CLCN3: variants seen among roughly 807,000 people sequenced by gnomAD.
CLCN3 encodes Cl-/H+ antiporter 3.
A neutral mutation model predicts 83.4 loss-of-function variants in CLCN3; 16 were observed. That is an observed-to-expected ratio of 0.19 (90% CI 0.13 to 0.29). The LOEUF is 0.29. Among genes scored for constraint, CLCN3 ranks in the 10% least tolerant of loss-of-function variants. CLCN3 has a pLI of 1.00. For missense variants in CLCN3, 544 were observed against 1,006.0 expected, an observed-to-expected ratio of 0.54 and a Z score of 6.21; for synonymous variants, 322 against 346.2, an observed-to-expected ratio of 0.93 and a Z score of 0.78.
intron 12 of CLCN3, chr4:169,717,988 G>T: frequency 1.8e-6 from 1 of 566,232 alleles, no homozygotes; most frequent in Non-Finnish European, 3.2e-6. Context: ...CTACTATGCT[G>T]CCAATTACAT....
intron 2 of CLCN3, among the ~76,000 whole-genome samples, chr4:169,668,567 A>G (rs748531053): frequency 1.2e-4 from 19 of 152,144 alleles, no homozygotes; most frequent in Non-Finnish European, 2.5e-4. Flanking sequence ...TCTGACCTCA[A>G]AGTGCAGTAA....
In CLCN3 at chr4:169,680,186, A is replaced by G; in HGVS notation, c.297A>G (p.Lys99=). 1 of 1,613,916 alleles carries G rather than the reference A, an allele frequency of 6.2e-7. No homozygotes were observed. The highest frequency in any genetic ancestry group is 8.5e-7 in the Non-Finnish European group (1 of 1,179,854). ...HTIDWVREKC[K]DRERHRRINS... is the part of the protein sequence containing the mutation. ...TTGATTGGGTGCGAGAAAAATGTAA[A>G]GACAGAGAAAGGCATAGACGGGTAA... is the stretch of plus-strand genomic sequence containing the variant. The change falls in exon 3 of 13, where the codon AAA becomes AAG. Residue 99 remains lysine (K), a synonymous_variant. Transcript: ENST00000513761.
At chr4:169,702,805 A>G in intron 9 of CLCN3, 2 of 299,210 alleles carry the variant, frequency 6.7e-6, no homozygotes, top group Non-Finnish European at 1.4e-5. Flanking sequence ...AAAGAAAGCC[A>G]GGTGTGGTGG....
chr4:169,631,678 A>T (rs191780157), intron 1 of CLCN3, among the ~76,000 whole-genome samples: 4 of 152,324 alleles, frequency 2.6e-5, no homozygotes, highest in Admixed American at 2.0e-4. Context: ...GTCAGACGTT[A>T]GCTAGATTAA....
At chr4:169,661,058 A>G (rs894187095) in intron 2 of CLCN3, among the ~76,000 whole-genome samples, 1 of 151,812 alleles carries the variant, frequency 6.6e-6, no homozygotes, top group African/African-American at 2.4e-5. Flanking sequence ...GATAAAACAC[A>G]TTTGACTAAA....
At chr4:169,627,306 CAATT>C (rs1773260320) in intron 1 of CLCN3, among the ~76,000 whole-genome samples, 1 of 152,110 alleles carries the variant, frequency 6.6e-6, no homozygotes, top group South Asian at 2.1e-4. Flanking sequence ...CCTCACAGCC[CAATT>C]AATTTATCCT....
At position 169,636,965 on chromosome 4, in the gene CLCN3, A is replaced by T. The variant is rs1343485038; in HGVS notation, c.160+877A>T. 2.0e-5 allele frequency among the ~76,000 whole-genome samples: 3 copies of T among 152,014 alleles called. No individual in the cohort carries two copies. The East Asian group carries it at 5.8e-4, about 29-fold the overall frequency. ...CTATTCAAAGATACTACCAAAGTGGATATAGCATGTACATTTCTACTAGCA... is the reference window on the plus strand; with the variant it reads ...CTATTCAAAGATACTACCAAAGTGGTTATAGCATGTACATTTCTACTAGCA... On this transcript the variant is annotated intron_variant, in intron 2 of 12. Transcript: ENST00000513761.
chr4:169,716,587 G>A (rs991596205), intron 12 of CLCN3, among the ~76,000 whole-genome samples: 2 of 152,062 alleles, frequency 1.3e-5, no homozygotes, highest in African/African-American at 4.8e-5. Flanking sequence ...ATTATATATA[G>A]TGCATTTTCT....
At chr4:169,663,075 C>G (rs1731111347) in intron 2 of CLCN3, 1 of 151,344 alleles carries the variant, frequency 6.6e-6, no homozygotes, top group South Asian at 2.1e-4. Flanking sequence ...CCATGAGGGG[C>G]CTTTAACAAT....
At chr4:169,692,461 ATAATC>A (rs1177828089) in intron 7 of CLCN3, 141 bp downstream of exon 7, 3 of 376,414 alleles carry the variant, frequency 8.0e-6, no homozygotes, top group Non-Finnish European at 1.4e-5. Flanking sequence ...TTTTTCCTGA[ATAATC>A]TATAACATCT....
intron 1 of CLCN3, among the ~76,000 whole-genome samples, chr4:169,632,401 T>G (rs1410292049): frequency 6.6e-6 from 1 of 152,040 alleles, no homozygotes; most frequent in Non-Finnish European, 1.5e-5. Context: ...AAAACCACAG[T>G]GAGACACCAT....
chr4:169,655,244 A>C (rs1730846938), intron 2 of CLCN3, among the ~76,000 whole-genome samples: 1 of 152,180 alleles, frequency 6.6e-6, no homozygotes, highest in Non-Finnish European at 1.5e-5. Context: ...TGAACTTTCA[A>C]ATCCAATTAG....
At chr4:169,715,968 T>C (rs1056018535) in intron 12 of CLCN3, among the ~76,000 whole-genome samples, 1 of 152,148 alleles carries the variant, frequency 6.6e-6, no homozygotes, top group Non-Finnish European at 1.5e-5. Flanking sequence ...TACATGGTTT[T>C]CCAGACTTGT....
Position 169,690,552 on chromosome 4 carries a change from A to C in CLCN3, c.629A>C (p.Asn210Thr). The part of the protein sequence containing the change: ...QAEGPGSYIM[N>T]YIMYIFWALS... ...TAGGGTCCTGGTTCTTATATCATGA[A>C]CTACATAATGTACATCTTCTGGGCC... The change falls in exon 6 of 13, where the codon AAC becomes ACC. Residue 210 changes from asparagine to threonine, a missense_variant. Coordinates refer to ENST00000513761, the MANE Select transcript of CLCN3 (RefSeq NM_001829.4). 6.2e-7 allele frequency: 1 copy of C among 1,613,042 alleles called. No homozygotes were observed. The highest frequency in any genetic ancestry group is 8.5e-7 in the Non-Finnish European group (1 of 1,179,584).
chr4:169,659,445 C>T (rs910955487), intron 2 of CLCN3, among the ~76,000 whole-genome samples: 2 of 152,082 alleles, frequency 1.3e-5, no homozygotes, highest in African/African-American at 4.8e-5. Context: ...AAACACAAAA[C>T]CCTTATGAGA....
At chr4:169,664,349 A>G (rs1048626438) in intron 2 of CLCN3, among the ~76,000 whole-genome samples, 11 of 152,132 alleles carry the variant, frequency 7.2e-5, no homozygotes, top group African/African-American at 2.7e-4. Flanking sequence ...TTGGGTTTCT[A>G]TTATAATAGA....
intron 4 of CLCN3, 66 bp downstream of exon 4, chr4:169,687,823 C>A: frequency 1.2e-6 from 1 of 812,506 alleles, no homozygotes; most frequent in South Asian, 2.1e-5. Context: ...TTCCCTCCTT[C>A]CCTCAATTTT....
In CLCN3 at chr4:169,722,937, G is replaced by C. The variant is rs943553507; in HGVS notation, c.*2940G>C. The C allele has an allele frequency of 6.6e-6, 1 of 152,156 alleles. No individual in the cohort carries two copies. The highest frequency in any genetic ancestry group is 2.4e-5 in the African/African-American group (1 of 41,432). 9.4% of individuals were successfully genotyped at this position (152,156 alleles called of 1,614,324 possible). On this transcript the variant is annotated 3_prime_UTR_variant, in exon 13 of 13. Coordinates refer to ENST00000513761, the MANE Select transcript of CLCN3 (RefSeq NM_001829.4). ...TTAATTTACCAATATAATAAGTGTAGCGCCTTGTTTGAATACCCTTTTTGA... is the reference window on the plus strand; with the variant it reads ...TTAATTTACCAATATAATAAGTGTACCGCCTTGTTTGAATACCCTTTTTGA...
chr4:169,655,791 C>T (rs1049346162), intron 2 of CLCN3, among the ~76,000 whole-genome samples: 3 of 152,134 alleles, frequency 2.0e-5, no homozygotes, highest in African/African-American at 4.8e-5. Flanking sequence ...AGGCATGAGC[C>T]GCCATGCCTG....
Sources: allele counts gnomAD v4.1 joint callset (sites outside exome capture counted in the v4.1 genomes callset), GRCh38; gene constraint gnomAD v4.1.1; transcripts MANE v1.5; gene names NCBI Gene and HGNC (gene_info 2026-07-23, HGNC 2026-07-21).